TAF5L: variants seen among roughly 807,000 people sequenced by gnomAD.
TAF5L encodes the protein TAF5-like RNA polymerase II p300/CBP-associated factor-associated factor 65 kDa subunit 5L.
TAF5L carries 7 observed loss-of-function variants against 51.3 expected under a neutral mutation model. The ratio of observed to expected loss-of-function variants is 0.14; its 90% confidence interval spans 0.08 to 0.26. The LOEUF (loss-of-function observed/expected upper bound fraction) is 0.26. TAF5L is among the 10% of genes least tolerant of loss of function. TAF5L has a pLI of 1.00. For missense variants in TAF5L, 575 were observed against 758.9 expected, an observed-to-expected ratio of 0.76 and a Z score of 2.85; for synonymous variants, 291 against 308.1, an observed-to-expected ratio of 0.94 and a Z score of 0.58.
intron 4 of TAF5L, chr1:229,600,647 C>A: frequency 3.0e-6 from 3 of 985,436 alleles, no homozygotes; most frequent in Non-Finnish European, 3.6e-6. Flanking sequence ...TGGCCCCTCT[C>A]CTAACTCCAG....
Position 229,606,531 on chromosome 1 carries a change from T to C in TAF5L, c.247+3575A>G, listed in dbSNP as rs1021420149. 7.1e-6 allele frequency: 7 copies of C among 985,292 alleles called. No homozygotes were observed. In the African/African-American group the frequency reaches 1.2e-4, roughly 17 times the overall value. The allele number at this position is 985,292 out of a possible 1,614,324, so 61.0% of individuals were successfully genotyped here. The stretch of plus-strand genomic sequence containing the variant: ...TAAACAAAACTAATCCTGTCGGTCC[T>C]CATTCTCCTCTACCTTTCTTCAAGG... On this transcript the variant is annotated intron_variant, in intron 3 of 4. Coordinates refer to ENST00000258281, the Ensembl canonical transcript of TAF5L.
chr1:229,625,775 G>T lies in TAF5L; in HGVS notation c.-4+110C>A, dbSNP rs896607022. ...CCCCACCCCCACCGCCCGCCGGCGGGAGCCAAGGCGCGCCCCGCCGAGGCC... is the reference window on the plus strand; with the variant it reads ...CCCCACCCCCACCGCCCGCCGGCGGTAGCCAAGGCGCGCCCCGCCGAGGCC... On this transcript the variant is annotated intron_variant, in intron 1 of 4. Transcript: ENST00000258281. This position sits in a 1 kb window ranked among gnomAD's most constrained non-coding sequence, Gnocchi z 4.0. 19 of 136,742 alleles carry T rather than the reference G, an allele frequency of 1.4e-4. No individual in the cohort carries two copies. Among genetic ancestry groups the T allele is most frequent in the Non-Finnish European group, 2.4e-4 (15 of 61,950 alleles). 8.5% of individuals were successfully genotyped at this position (136,742 alleles called of 1,614,324 possible). A position where few individuals can be genotyped will look rare whatever the true frequency, so the allele number is the denominator to read the frequency against.
chr1:229,619,394 C>T lies in TAF5L; in HGVS notation c.-3-4909G>A, dbSNP rs150475425. ...GAAGCTGTGTTTTTTCCCATGGTGTCCTAAGAAATAAAATGGCACATGGAT... is the reference window on the plus strand; with the variant it reads ...GAAGCTGTGTTTTTTCCCATGGTGTTCTAAGAAATAAAATGGCACATGGAT... On this transcript the variant is annotated intron_variant, in intron 1 of 4. Transcript: ENST00000258281. Among the ~76,000 whole-genome samples, 441 of 152,220 alleles carry T rather than the reference C, an allele frequency of 2.9e-3. 6 individuals are homozygous for T. Among genetic ancestry groups the T allele is most frequent in the African/African-American group, 0.01 (432 of 41,526 alleles).
At chr1:229,605,128 A>ATATATATATATATATATATATT (rs1340196774) in intron 3 of TAF5L, among the ~76,000 whole-genome samples, 3 of 145,096 alleles carry the variant, frequency 2.1e-5, no homozygotes, top group African/African-American at 7.8e-5. Context: ...ATATATATGT[A>ATATATATATATATATATATATT]TTTTTTTTTT....
chr1:229,601,152 T>C (rs1387678686), intron 4 of TAF5L: 3 of 985,280 alleles, frequency 3.0e-6, no homozygotes, highest in East Asian at 2.3e-4. Context: ...ACTGTCTCGG[T>C]TGCAAGAATC....
At chr1:229,599,149 A>C (rs1051602257) in intron 4 of TAF5L, 40 of 619,526 alleles carry the variant, frequency 6.5e-5, no homozygotes, top group Non-Finnish European at 1.4e-5. Context: ...CCAAAGGTTA[A>C]CCTAGATGAT....
intron 2 of TAF5L, chr1:229,614,121 G>T: frequency 1.4e-6 from 1 of 721,704 alleles, no homozygotes. Flanking sequence ...TTAGCCAGGG[G>T]AATCACAGAG....
chr1:229,606,829 G>A lies in TAF5L; in HGVS notation c.247+3277C>T, dbSNP rs549929590. The A allele has an allele frequency of 3.0e-6, 3 of 985,406 alleles. No individual in the cohort carries two copies. In the South Asian group the frequency reaches 1.4e-4, roughly 46 times the overall value. The allele number at this position is 985,406 out of a possible 1,614,324, so 61.0% of individuals were successfully genotyped here. A position where few individuals can be genotyped will look rare whatever the true frequency, so the allele number is the denominator to read the frequency against. On this transcript the variant is annotated intron_variant, in intron 3 of 4. Transcript: ENST00000258281. Reference sequence around the variant, plus strand: ...TCCCACTACACCTCCTGAAGAATAGGACCTACGGCAATAGGTGAGCTCACA... The same window carrying A: ...TCCCACTACACCTCCTGAAGAATAGAACCTACGGCAATAGGTGAGCTCACA...
At chr1:229,619,114 A>G (rs1056506824) in intron 1 of TAF5L, among the ~76,000 whole-genome samples, 1 of 152,214 alleles carries the variant, frequency 6.6e-6, no homozygotes, top group Non-Finnish European at 1.5e-5. Context: ...AACTCAAGTT[A>G]TTAGTTCTCT....
chr1:229,599,901 T>C, intron 4 of TAF5L: 1 of 985,456 alleles, frequency 1.0e-6, no homozygotes, highest in South Asian at 4.7e-5. Context: ...AAGCAGAGAG[T>C]GCAAGCTGGC....
chr1:229,601,283 A>G, intron 4 of TAF5L: 1 of 985,402 alleles, frequency 1.0e-6, no homozygotes, highest in Non-Finnish European at 1.2e-6. Flanking sequence ...ATTTAATTAG[A>G]GTGATTTTTT....
intron 1 of TAF5L, 147 bp from the exon 2 acceptor site, chr1:229,614,632 T>G: frequency 1.1e-6 from 1 of 933,296 alleles, no homozygotes; most frequent in Non-Finnish European, 1.6e-6. Flanking sequence ...CAAATCTAAG[T>G]TCCCTAATAC....
chr1:229,602,861 G>A lies in TAF5L; in HGVS notation c.306C>T (p.Tyr102=), dbSNP rs1489288121. 1.9e-6 allele frequency: 3 copies of A among 1,609,616 alleles called. No individual in the cohort carries two copies. Among genetic ancestry groups the A allele is most frequent in the East Asian group, 4.5e-5 (2 of 44,902 alleles). ...TGTTTTGGACCAGGTTGAGATGGAG[G>A]TAGACAAAGAGAGGATAGAGGAGAG... The change falls in exon 4 of 5, where the codon TAC becomes TAT. Residue 102 remains tyrosine (Y), a synonymous_variant. Transcript: ENST00000258281. The surrounding 1 kb of genome is among the most constrained non-coding windows in gnomAD (Gnocchi z 4.6).
At chr1:229,607,440 T>G in intron 3 of TAF5L, 1 of 985,472 alleles carries the variant, frequency 1.0e-6, no homozygotes, top group Non-Finnish European at 1.2e-6. Context: ...GCCTTAGTTG[T>G]TCCTGTACAG....
chr1:229,618,191 G>T (rs914319248), intron 1 of TAF5L, among the ~76,000 whole-genome samples: 1 of 152,164 alleles, frequency 6.6e-6, no homozygotes, highest in African/African-American at 2.4e-5. Flanking sequence ...TACATGAGAC[G>T]AACAGTGCAG....
chr1:229,611,221 T>C (rs184950541), intron 2 of TAF5L, among the ~76,000 whole-genome samples: 3 of 152,072 alleles, frequency 2.0e-5, no homozygotes, highest in African/African-American at 7.2e-5. Flanking sequence ...AAGGCTGGAG[T>C]CTCAATATTC....
intron 1 of TAF5L, among the ~76,000 whole-genome samples, chr1:229,617,208 G>A (rs1305432122): frequency 6.6e-6 from 1 of 152,180 alleles, no homozygotes; most frequent in Non-Finnish European, 1.5e-5. Context: ...CTATACATAA[G>A]AATCCCATGA....
chr1:229,613,611 A>G (rs1664868533), intron 2 of TAF5L, among the ~76,000 whole-genome samples: 1 of 152,206 alleles, frequency 6.6e-6, no homozygotes, highest in Non-Finnish European at 1.5e-5. Context: ...ATTATAAGTA[A>G]TCTAAAGACA....
rs1453996466 is a variant in TAF5L, at chr1:229,610,001, TA to T, written c.247+104del. ...TACTCTATTTTTTAATTTTTCTTTT[TA>T]CCGCTCCTTGTGGAGCAGGGCTAAC... On this transcript the variant is annotated intron_variant, in intron 3 of 4. Transcript: ENST00000258281. The T allele has an allele frequency of 2.1e-5, 18 of 876,046 alleles. 1 individual carries two copies. The highest frequency in any genetic ancestry group is 3.2e-5 in the Non-Finnish European group (18 of 561,648). The allele number at this position is 876,046 out of a possible 1,614,324, so 54.3% of individuals were successfully genotyped here.
Sources: gnomAD v4.1 joint callset for allele counts (sites outside exome capture counted in the v4.1 genomes callset) on GRCh38, gnomAD v4.1.1 for gene constraint, Gnocchi (gnomAD v3.1) non-coding constraint, MANE v1.5 for transcripts, NCBI Gene and HGNC (gene_info 2026-07-23, HGNC 2026-07-21) for gene names.